Variants in EPHA3 observed in about 807,000 individuals in gnomAD.
EPHA3 encodes ephrin type-A receptor 3.
In EPHA3, 42 loss-of-function variants were observed where a neutral mutation model predicts 107.1. That is an observed-to-expected ratio of 0.39 (90% CI 0.31 to 0.51). The LOEUF (loss-of-function observed/expected upper bound fraction) is 0.51. Ranked by LOEUF, EPHA3 falls within the 20% of genes least tolerant of loss-of-function variation. The pLI is 0.78. For missense variants in EPHA3, 1,183 were observed against 1,211.2 expected, an observed-to-expected ratio of 0.98 and a Z score of 0.35; for synonymous variants, 461 against 424.8, an observed-to-expected ratio of 1.09 and a Z score of -1.05.
chr3:89,446,958 A>G (rs1424653348), intron 13 of EPHA3, among the ~76,000 whole-genome samples: 1 of 152,126 alleles, frequency 6.6e-6, no homozygotes, highest in Non-Finnish European at 1.5e-5. Flanking sequence ...CTATGAATAC[A>G]GCTCTGTTTG....
At chr3:89,342,377 G>T (rs1431989624) in intron 5 of EPHA3, among the ~76,000 whole-genome samples, 1 of 151,960 alleles carries the variant, frequency 6.6e-6, no homozygotes, top group East Asian at 1.9e-4. Context: ...CTCCTTGGGG[G>T]AAACATTTTT....
intron 3 of EPHA3, among the ~76,000 whole-genome samples, chr3:89,243,673 T>A (rs1228567649): frequency 6.6e-6 from 1 of 152,182 alleles, no homozygotes; most frequent in Non-Finnish European, 1.5e-5. Context: ...CTTCGTCAGA[T>A]GAGTAGATTG....
chr3:89,434,268 A>G (rs1709623712), intron 13 of EPHA3, among the ~76,000 whole-genome samples: 1 of 152,110 alleles, frequency 6.6e-6, no homozygotes, highest in African/African-American at 2.4e-5. Context: ...CCCATGCTGG[A>G]GTGCAGTGGC....
At chr3:89,218,734 C>T (rs1248152213) in intron 3 of EPHA3, among the ~76,000 whole-genome samples, 1 of 152,106 alleles carries the variant, frequency 6.6e-6, no homozygotes, top group African/African-American at 2.4e-5. Context: ...AAAAAATGCT[C>T]ATCATCATTG....
intron 3 of EPHA3, among the ~76,000 whole-genome samples, chr3:89,235,443 A>G (rs559973183): frequency 1.3e-3 from 199 of 152,232 alleles, no homozygotes; most frequent in Non-Finnish European, 2.1e-3. Context: ...TTCTTAGTAT[A>G]GCGTCGTAAT....
intron 5 of EPHA3, among the ~76,000 whole-genome samples, chr3:89,357,253 A>G (rs554409654): frequency 2.6e-4 from 39 of 150,628 alleles, no homozygotes; most frequent in Middle Eastern, 3.4e-3. Flanking sequence ...AGAAGAATAC[A>G]CTTTACCAAG....
chr3:89,410,128 G>C (rs1028001097), intron 9 of EPHA3, among the ~76,000 whole-genome samples: 2 of 152,030 alleles, frequency 1.3e-5, no homozygotes, highest in African/African-American at 4.8e-5. Flanking sequence ...TGCTTCTACA[G>C]CGAACAGACC....
intron 2 of EPHA3, among the ~76,000 whole-genome samples, chr3:89,137,441 T>TA (rs933288083): frequency 2.0e-5 from 3 of 151,926 alleles, no homozygotes; most frequent in Non-Finnish European, 4.4e-5. Flanking sequence ...TTTGAAAGAT[T>TA]AAAAAAAGAA....
intron 3 of EPHA3, among the ~76,000 whole-genome samples, chr3:89,247,171 CAAAT>C (rs1705052526): frequency 6.6e-6 from 1 of 152,058 alleles, no homozygotes. Context: ...AGGGAGAAGA[CAAAT>C]AAAGTAAATC....
intron 3 of EPHA3, among the ~76,000 whole-genome samples, chr3:89,306,266 G>T (rs749463240): frequency 1.3e-5 from 2 of 152,122 alleles, no homozygotes. Context: ...AATAACACCA[G>T]AATTCTAACT....
At chr3:89,187,715 T>G (rs1349771669) in intron 2 of EPHA3, among the ~76,000 whole-genome samples, 1 of 152,156 alleles carries the variant, frequency 6.6e-6, no homozygotes, top group Non-Finnish European at 1.5e-5. Context: ...AGTGTGTGTA[T>G]GTATACAAGC....
intron 3 of EPHA3, among the ~76,000 whole-genome samples, chr3:89,240,982 AT>A (rs1704880431): frequency 6.6e-6 from 1 of 152,100 alleles, no homozygotes; most frequent in South Asian, 2.1e-4. Flanking sequence ...GAAATGTTTA[AT>A]TTTTACTTTA....
At chr3:89,136,653 T>G (rs867717845) in intron 2 of EPHA3, among the ~76,000 whole-genome samples, 4 of 151,746 alleles carry the variant, frequency 2.6e-5, no homozygotes, top group African/African-American at 9.7e-5. Flanking sequence ...TTAGTGGGAT[T>G]TAAAATAAAG....
chr3:89,330,149 T>C (rs1449673045), intron 3 of EPHA3, among the ~76,000 whole-genome samples: 2 of 152,076 alleles, frequency 1.3e-5, no homozygotes, highest in Admixed American at 1.3e-4. Context: ...TCCATTCTTA[T>C]CTATTTAGGG....
intron 7 of EPHA3, among the ~76,000 whole-genome samples, chr3:89,402,926 C>T (rs1708994160): frequency 6.6e-6 from 1 of 152,116 alleles, no homozygotes; most frequent in Non-Finnish European, 1.5e-5. Flanking sequence ...AATCCGACTG[C>T]CTTGGCCTTC....
chr3:89,225,522 A>T (rs1327936361), intron 3 of EPHA3, among the ~76,000 whole-genome samples: 1 of 152,170 alleles, frequency 6.6e-6, no homozygotes, highest in South Asian at 2.1e-4. Flanking sequence ...GTTTGGTCAT[A>T]GTAGCCTAAT....
At chr3:89,371,451 G>T (rs932179188) in intron 5 of EPHA3, among the ~76,000 whole-genome samples, 22 of 151,676 alleles carry the variant, frequency 1.5e-4, no homozygotes, top group Non-Finnish European at 3.0e-4. Flanking sequence ...CTGAAGAAGA[G>T]ATGATACAAG....
chr3:89,439,264 A>C (rs1035884929), intron 13 of EPHA3, among the ~76,000 whole-genome samples: 1 of 152,194 alleles, frequency 6.6e-6, no homozygotes, highest in Non-Finnish European at 1.5e-5. Context: ...TCATTAGATT[A>C]ATTATTTAGC....
intron 2 of EPHA3, among the ~76,000 whole-genome samples, chr3:89,147,028 C>CT (rs1386785128): frequency 6.6e-6 from 1 of 151,824 alleles, no homozygotes; most frequent in Non-Finnish European, 1.5e-5. Flanking sequence ...AGTCCATGTC[C>CT]TTTGCAGGGA....
Sources: allele counts gnomAD v4.1 joint callset (sites outside exome capture counted in the v4.1 genomes callset), GRCh38; gene constraint gnomAD v4.1.1; transcripts MANE v1.5; gene names NCBI Gene and HGNC (gene_info 2026-07-23, HGNC 2026-07-21).